ABCC10: variants seen among roughly 807,000 people sequenced by gnomAD.
ABCC10 encodes ATP-binding cassette sub-family C member 10.
ABCC10 carries 110 observed loss-of-function variants against 143.2 expected under a neutral mutation model. That is an observed-to-expected ratio of 0.77 (90% CI 0.66 to 0.90). The LOEUF (loss-of-function observed/expected upper bound fraction) is 0.90, where lower values mean the gene tolerates loss of function less well. Ranked by LOEUF, ABCC10 falls within the 40% of genes least tolerant of loss-of-function variation. The pLI, the probability that ABCC10 is intolerant of heterozygous loss-of-function variation, is 0.00. For synonymous variants in ABCC10, 805 were observed against 846.7 expected (o/e 0.95, Z 0.85); for missense variants, 1,700 against 1,900.5 (o/e 0.89, Z 1.96).
At chr6:43,433,412 G>A in intron 3 of ABCC10, 52 bp downstream of exon 3, 1 of 1,529,586 alleles carries the variant, frequency 6.5e-7, no homozygotes, top group Non-Finnish European at 8.8e-7. Flanking sequence ...ACCCAGCCCA[G>A]GTCCCCAGGT....
chr6:43,430,256 A>G (rs1015437958), intron 2 of ABCC10, among the ~76,000 whole-genome samples: 2 of 151,350 alleles, frequency 1.3e-5, no homozygotes, highest in Non-Finnish European at 2.9e-5. Flanking sequence ...ATGCCTGGCC[A>G]GTTTTCGTAT....
intron 7 of ABCC10, 66 bp from the exon 8 acceptor site, chr6:43,438,558 A>G: frequency 6.4e-7 from 1 of 1,573,522 alleles, no homozygotes; most frequent in Non-Finnish European, 8.6e-7. Context: ...TCTAGGAGTC[A>G]AGGGCTGGGC....
intron 7 of ABCC10, 109 bp downstream of exon 7, chr6:43,438,122 C>A: frequency 8.2e-7 from 1 of 1,219,318 alleles, no homozygotes; most frequent in Non-Finnish European, 1.2e-6. Flanking sequence ...AGAAGAGCAA[C>A]GCATGGTCCC....
At position 43,436,591 on chromosome 6, in the gene ABCC10, G is replaced by A. The variant is rs537724754; in HGVS notation, c.1875+344G>A. Among the ~76,000 whole-genome samples the A allele has an allele frequency of 2.0e-5, 3 of 152,336 alleles. No individual in the cohort carries two copies. The South Asian group carries it at 6.2e-4, about 32-fold the overall frequency. The stretch of plus-strand genomic sequence containing the variant: ...CCCCAGATTGGGGATCTGGGGGAGA[G>A]GCCCAGCAAGTGCTTCCAAGAAATA... On this transcript the variant is annotated intron_variant, in intron 6 of 21. Transcript: ENST00000372530.
At chr6:43,451,097 G>A (rs752942681), downstream of ABCC10, 9 of 1,614,260 alleles carry the variant, frequency 5.6e-6, no homozygotes, top group Admixed American at 1.3e-4. The surrounding 1 kb of genome is among the most constrained non-coding windows in gnomAD (Gnocchi z 4.4). Context: ...CAGGACAGAG[G>A]CAGGAGAAGC....
In ABCC10 at chr6:43,450,034, C is replaced by G. The variant is rs1057149908; in HGVS notation, c.4422C>G (p.Phe1474Leu). 3 of 1,612,620 alleles carry G rather than the reference C, an allele frequency of 1.9e-6. No individual in the cohort carries two copies. In the African/African-American group the frequency reaches 4.0e-5, roughly 22 times the overall value. ...TGCGCAACCAGCCCCACTCCCTGTT[C>G]CAGCAGCTGCTGCAGAGCAGCCAGC... ...ATLRNQPHSL[F>L]QQLLQSSQQG... Residue 1474 changes from phenylalanine (F) to leucine (L), a missense_variant, in exon 22 of 22, where the codon TTC (phenylalanine) becomes TTG (leucine). Physicochemically the swap from Phe to Leu is conservative, Grantham distance 22. Coordinates refer to ENST00000372530, the MANE Select transcript of ABCC10 (RefSeq NM_001198934.2). This position sits in a 1 kb window ranked among gnomAD's most constrained non-coding sequence, Gnocchi z 4.5.
chr6:43,439,934 T>G (rs1009422962), intron 8 of ABCC10, among the ~76,000 whole-genome samples: 3 of 151,602 alleles, frequency 2.0e-5, no homozygotes, highest in Non-Finnish European at 1.5e-5. Flanking sequence ...GGGCAGATTT[T>G]ATGTAAAAGC....
downstream of ABCC10, chr6:43,450,813 T>TC (rs1197278455): frequency 1.9e-6 from 3 of 1,614,020 alleles, no homozygotes; most frequent in African/African-American, 1.3e-5. This position sits in a 1 kb window ranked among gnomAD's most constrained non-coding sequence, Gnocchi z 4.5. Flanking sequence ...CCGCACCACC[T>TC]CCTTCACTGA....
intron 5 of ABCC10, 58 bp from the exon 6 acceptor site, chr6:43,436,080 C>G (rs1176601029): frequency 4.3e-6 from 7 of 1,611,446 alleles, no homozygotes; most frequent in South Asian, 1.1e-5. Context: ...CATGATTTAC[C>G]CTCCCCAAAC....
At position 43,433,366 on chromosome 6, in the gene ABCC10, C is replaced by A; in HGVS notation, c.1380+6C>A. ...ACAAGGATGCGCGGGTTAAGGTGAG[C>A]GGGTACTTGGGGTCCCTCAGCTATC... On this transcript the variant is annotated splice_donor_region_variant and intron_variant, in intron 3 of 21. Transcript: ENST00000372530. 1 of 1,599,124 alleles carries A rather than the reference C, an allele frequency of 6.3e-7. No individual in the cohort carries two copies. Among genetic ancestry groups the A allele is most frequent in the Non-Finnish European group, 8.5e-7 (1 of 1,170,100 alleles).
intron 8 of ABCC10, among the ~76,000 whole-genome samples, chr6:43,440,213 T>C (rs2127397643): frequency 6.6e-6 from 1 of 152,162 alleles, no homozygotes; most frequent in African/African-American, 2.4e-5. Context: ...CGCCTTGGCC[T>C]CCCAAAGTGC....
chr6:43,444,970 G>A lies in ABCC10; in HGVS notation c.2840+32G>A, dbSNP rs2127406781. The A allele has an allele frequency of 1.9e-6, 3 of 1,595,742 alleles. No homozygotes were observed. In the South Asian group the frequency reaches 3.4e-5, roughly 18 times the overall value. On this transcript the variant is annotated intron_variant, in intron 13 of 21. Transcript: ENST00000372530. ...GGCTGGGGCTGGGGGTAGGCCTGGT[G>A]CTCTCAGAGTGGTCGCCAGGCAGGG...
At chr6:43,451,962 C>A (rs780702112), downstream of ABCC10, 4 of 1,614,058 alleles carry the variant, frequency 2.5e-6, no homozygotes, top group African/African-American at 4.0e-5. This position sits in a 1 kb window ranked among gnomAD's most constrained non-coding sequence, Gnocchi z 4.4. Flanking sequence ...CAGGGTCCAG[C>A]CTTGCGCTCG....
At chr6:43,437,848 G>T in intron 6 of ABCC10, 86 bp from the exon 7 acceptor site, 1 of 1,350,970 alleles carries the variant, frequency 7.4e-7, no homozygotes, top group South Asian at 1.2e-5. Flanking sequence ...TGGGAGGACT[G>T]GCAGCCCAGA....
chr6:43,428,045 G>T lies in ABCC10; in HGVS notation c.67G>T (p.Asp23Tyr), dbSNP rs1257251111. 1 of 1,599,706 alleles carries T rather than the reference G, an allele frequency of 6.3e-7. No homozygotes were observed. Among genetic ancestry groups the T allele is most frequent in the African/African-American group, 1.3e-5 (1 of 74,742 alleles). The stretch of plus-strand genomic sequence containing the variant: ...GTGGCCGCTCCCGCTGTGGGAGGGG[G>T]ACACCACAGGCCACTGCTTCACCCA... The part of the protein sequence containing the change: ...AAWPLPLWEG[D>Y]TTGHCFTQLV... The change falls in exon 2 of 22, where the codon GAC becomes TAC. Residue 23 changes from aspartate (D) to tyrosine (Y), a missense_variant. Transcript: ENST00000372530.
In ABCC10 at chr6:43,443,052, T is replaced by A. The variant is rs756016064; in HGVS notation, c.2309T>A (p.Leu770Gln). Residue 770 changes from leucine (L) to glutamine (Q), a missense_variant, in exon 10 of 22, where the codon CTG becomes CAG. Physicochemically the swap from Leu to Gln is moderately radical, Grantham distance 113. Coordinates refer to ENST00000372530, the MANE Select transcript of ABCC10 (RefSeq NM_001198934.2). The surrounding 1 kb of genome is among the most constrained non-coding windows in gnomAD (Gnocchi z 4.2). ...AACCACCTGCTGCACAGGTGCATCC[T>A]GGGCATGCTGAGCTACACCACACGG... ...VANHLLHRCI[L>Q]GMLSYTTRLL... 6.2e-7 allele frequency: 1 copy of A among 1,613,128 alleles called. No individual in the cohort carries two copies. Among genetic ancestry groups the A allele is most frequent in the Non-Finnish European group, 8.5e-7 (1 of 1,179,968 alleles).
At chr6:43,437,792 A>G in intron 6 of ABCC10, 142 bp from the exon 7 acceptor site, 1 of 769,734 alleles carries the variant, frequency 1.3e-6, no homozygotes, top group South Asian at 1.7e-5. Flanking sequence ...TGAAGCGGAG[A>G]ATTCTTTCCC....
Position 43,441,958 on chromosome 6 carries a change from C to G in ABCC10, c.2224C>G (p.Gln742Glu), listed in dbSNP as rs781172161. Reference sequence around the variant, plus strand: ...GATTGCCCTTGCTCGTGCTGTCTACCAGGTCAGTTAAAGATGGAGGTTGCA... The same window carrying G: ...GATTGCCCTTGCTCGTGCTGTCTACGAGGTCAGTTAAAGATGGAGGTTGCA... ...ARIALARAVY[Q>E]EKELYLLDDP... The change falls in exon 9 of 22, where the codon CAG becomes GAG. Residue 742 changes from glutamine (Q) to glutamate (E), a missense_variant and splice_region_variant. Transcript: ENST00000372530. The G allele has an allele frequency of 3.7e-6, 6 of 1,613,472 alleles. No homozygotes were observed. The highest frequency in any genetic ancestry group is 5.1e-6 in the Non-Finnish European group (6 of 1,179,610).
chr6:43,443,878 A>G lies in ABCC10; in HGVS notation c.2417-55A>G, dbSNP rs959263280. The G allele has an allele frequency of 3.6e-5, 55 of 1,527,848 alleles. No individual in the cohort carries two copies. The highest frequency in any genetic ancestry group is 4.5e-5 in the Non-Finnish European group (50 of 1,101,586). The allele number at this position is 1,527,848 out of a possible 1,614,324, so 94.6% of individuals were successfully genotyped here. The stretch of plus-strand genomic sequence containing the variant: ...GTGGGATCTGCACACGCACTGAGAA[A>G]GGCATAGTATAGACTCAGAACAGTC... On this transcript the variant is annotated intron_variant, in intron 10 of 21. Transcript: ENST00000372530. The surrounding 1 kb of genome is among the most constrained non-coding windows in gnomAD (Gnocchi z 4.2).
Sources: gnomAD v4.1 joint callset for allele counts (sites outside exome capture counted in the v4.1 genomes callset) on GRCh38, gnomAD v4.1.1 for gene constraint, Gnocchi (gnomAD v3.1) non-coding constraint, MANE v1.5 for transcripts, NCBI Gene and HGNC (gene_info 2026-07-23, HGNC 2026-07-21) for gene names.